Variants in KCNMB4 observed in about 807,000 individuals in gnomAD.
KCNMB4 encodes the protein potassium calcium-activated channel subfamily M regulatory beta subunit 4, also known as calcium-activated potassium channel subunit beta-4.
KCNMB4 carries 3 observed loss-of-function variants against 20.7 expected under a neutral mutation model. That is an observed-to-expected ratio of 0.14 (90% CI 0.07 to 0.37). KCNMB4 has a LOEUF of 0.37. KCNMB4 is among the 10% of genes least tolerant of loss of function. The pLI, the probability that KCNMB4 is intolerant of heterozygous loss-of-function variation, is 1.00. For missense variants in KCNMB4, 168 were observed against 265.9 expected (o/e 0.63, Z 2.56); for synonymous variants, 110 against 113.4 (o/e 0.97, Z 0.19).
chr12:70,429,730 A>G (rs1027515133), intron 2 of KCNMB4, among the ~76,000 whole-genome samples: 1 of 152,070 alleles, frequency 6.6e-6, no homozygotes, highest in African/African-American at 2.4e-5. Context: ...GCCGAAGATT[A>G]GAGATCATGG....
intron 1 of KCNMB4, among the ~76,000 whole-genome samples, chr12:70,386,708 G>T (rs758862366): frequency 6.6e-6 from 1 of 150,814 alleles, no homozygotes; most frequent in Non-Finnish European, 1.5e-5. Context: ...TTTTATTCCT[G>T]TTCTCACACA....
chr12:70,369,249 T>C (rs1484329029), intron 1 of KCNMB4, among the ~76,000 whole-genome samples: 2 of 152,232 alleles, frequency 1.3e-5, no homozygotes, highest in African/African-American at 4.8e-5. Context: ...GTTTGTTCTT[T>C]AGCATCACCT....
chr12:70,430,359 A>G, intron 2 of KCNMB4, 126 bp from the exon 3 acceptor site: 4 of 961,844 alleles, frequency 4.2e-6, no homozygotes, highest in Non-Finnish European at 6.4e-6. Flanking sequence ...CAGTGTTTAT[A>G]GTCAGAGTGC....
chr12:70,405,059 T>G (rs1196755785), intron 2 of KCNMB4, among the ~76,000 whole-genome samples: 2 of 151,604 alleles, frequency 1.3e-5, no homozygotes, highest in Non-Finnish European at 2.9e-5. Flanking sequence ...AAAAGGAGAG[T>G]ATTTTAAGGA....
At position 70,433,348 on chromosome 12, in the gene KCNMB4, A is replaced by G. The variant is rs897894509; in HGVS notation, c.*2695A>G. 2 of 152,198 alleles carry G rather than the reference A, an allele frequency of 1.3e-5. No individual in the cohort carries two copies. The highest frequency in any genetic ancestry group is 4.8e-5 in the African/African-American group (2 of 41,450). 9.4% of individuals were successfully genotyped at this position (152,198 alleles called of 1,614,324 possible). On this transcript the variant is annotated 3_prime_UTR_variant, in exon 3 of 3. Transcript: ENST00000258111. ...GTGGCTTCATTTCACAAGGTATTCA[A>G]GGGATATAGGAGTCATCTACCTTGT... is the stretch of plus-strand genomic sequence containing the variant.
chr12:70,391,223 C>T (rs1391761737), intron 1 of KCNMB4, among the ~76,000 whole-genome samples: 1 of 152,146 alleles, frequency 6.6e-6, no homozygotes, highest in African/African-American at 2.4e-5. Flanking sequence ...TCTTAGATGT[C>T]CTGTGATCTC....
chr12:70,403,606 G>A (rs1402567831), intron 2 of KCNMB4, among the ~76,000 whole-genome samples: 6 of 152,142 alleles, frequency 3.9e-5, no homozygotes, highest in African/African-American at 9.7e-5. Context: ...GATTACAGGC[G>A]GGAGCCTCTG....
At chr12:70,373,892 G>A (rs959293522) in intron 1 of KCNMB4, among the ~76,000 whole-genome samples, 14 of 152,138 alleles carry the variant, frequency 9.2e-5, no homozygotes, top group African/African-American at 2.9e-4. Flanking sequence ...AGGCTGAGGA[G>A]GGAGGATTAC....
intron 1 of KCNMB4, among the ~76,000 whole-genome samples, chr12:70,374,899 T>C (rs1883659117): frequency 1.3e-5 from 2 of 152,156 alleles, no homozygotes; most frequent in African/African-American, 2.4e-5. Flanking sequence ...TCCTAGAAAG[T>C]AAAAATTTAG....
chr12:70,367,125 G>A, intron 1 of KCNMB4, 55 bp downstream of exon 1: 1 of 1,402,528 alleles, frequency 7.1e-7, no homozygotes, highest in Non-Finnish European at 9.5e-7. Flanking sequence ...TGGAGGCAGC[G>A]TCGGTGTTAG....
intron 1 of KCNMB4, among the ~76,000 whole-genome samples, chr12:70,370,388 A>G (rs903022984): frequency 4.0e-5 from 6 of 151,600 alleles, no homozygotes; most frequent in Admixed American, 2.0e-4. Context: ...GCTCACTGCA[A>G]GCTCCGCCTC....
At chr12:70,422,922 T>G (rs1387057364) in intron 2 of KCNMB4, 1 of 914,746 alleles carries the variant, frequency 1.1e-6, no homozygotes, top group Non-Finnish European at 1.4e-6. Context: ...GGCCTCTACT[T>G]TAGGAGACTT....
chr12:70,392,367 A>T (rs1426424741), intron 1 of KCNMB4, among the ~76,000 whole-genome samples: 1 of 152,174 alleles, frequency 6.6e-6, no homozygotes, highest in East Asian at 1.9e-4. Context: ...ATGCTTTTAC[A>T]CTGTTGGTGG....
intron 1 of KCNMB4, among the ~76,000 whole-genome samples, chr12:70,371,258 G>A (rs68175838): frequency 0.42 from 63,410 of 151,674 alleles, 15,142 homozygotes; most frequent in East Asian, 0.94. Context: ...CAGTACTCTA[G>A]AAGTGAGAGA....
Position 70,366,891 on chromosome 12 carries a change from A to G in KCNMB4, c.157A>G (p.Asn53Asp), listed in dbSNP as rs200100737. ...GCAGGATCTGCAAGCCACGGAGGCC[A>G]ATTGCACGGTGCTGTCGGTGCAGCA... is the stretch of plus-strand genomic sequence containing the variant. ...ALQDLQATEANCTVLSVQQIG... is the reference protein window; with the variant it reads ...ALQDLQATEADCTVLSVQQIG... The change falls in exon 1 of 3, where the codon AAT (asparagine) becomes GAT (aspartate). Residue 53 changes from asparagine (N) to aspartate (D), a missense_variant. Transcript: ENST00000258111. The G allele has an allele frequency of 6.2e-7, 1 of 1,613,552 alleles. No individual in the cohort carries two copies. The highest frequency in any genetic ancestry group is 1.7e-5 in the Admixed American group (1 of 60,002).
chr12:70,374,287 G>C (rs1015663316), intron 1 of KCNMB4, among the ~76,000 whole-genome samples: 14 of 152,108 alleles, frequency 9.2e-5, no homozygotes, highest in Non-Finnish European at 5.9e-5. Context: ...AATGTTTTGG[G>C]CACTTATTTA....
rs117923502 is a variant in KCNMB4 at position 70,419,821 on chromosome 12, T to C, written c.465-10664T>C. Among the ~76,000 whole-genome samples, 902 of 152,312 alleles carry C rather than the reference T, an allele frequency of 5.9e-3. 4 individuals carry two copies. Among genetic ancestry groups the C allele is most frequent in the Non-Finnish European group, 0.01 (697 of 68,032 alleles). On this transcript the variant is annotated intron_variant, in intron 2 of 2. Coordinates refer to ENST00000258111, the MANE Select transcript of KCNMB4 (RefSeq NM_014505.6). ...TAAGGAGGCACTTAGGGAGGATGGA[T>C]ATTAAAATTGCAAAGTGTTATTAAT... is the stretch of plus-strand genomic sequence containing the variant.
intron 2 of KCNMB4, among the ~76,000 whole-genome samples, chr12:70,427,173 G>A (rs1235945560): frequency 2.0e-5 from 3 of 152,066 alleles, no homozygotes; most frequent in African/African-American, 2.4e-5. Context: ...ATATAATTAC[G>A]GCAAATTGAA....
chr12:70,382,856 C>G (rs1022474744), intron 1 of KCNMB4, among the ~76,000 whole-genome samples: 3 of 152,110 alleles, frequency 2.0e-5, no homozygotes, highest in Non-Finnish European at 4.4e-5. Flanking sequence ...GAAATACAGT[C>G]GTTCATTGTT....
Sources: allele counts gnomAD v4.1 joint callset (sites outside exome capture counted in the v4.1 genomes callset), GRCh38; gene constraint gnomAD v4.1.1; transcripts MANE v1.5; gene names NCBI Gene and HGNC (gene_info 2026-07-23, HGNC 2026-07-21).